Variants in FKBP5 observed in about 807,000 individuals in gnomAD.
The protein encoded by FKBP5 is peptidyl-prolyl cis-trans isomerase FKBP5.
FKBP5 carries 23 observed loss-of-function variants against 50.5 expected under a neutral mutation model. The ratio of observed to expected loss-of-function variants is 0.46; its 90% CI spans 0.33 to 0.65. The LOEUF (loss-of-function observed/expected upper bound fraction) is 0.65, where lower values mean the gene tolerates loss of function less well. Ranked by LOEUF, FKBP5 falls within the 30% of genes least tolerant of loss-of-function variation. FKBP5 has a pLI of 0.02. For synonymous variants in FKBP5, 176 were observed against 190.6 expected (o/e 0.92, Z 0.63); for missense variants, 411 against 553.1 (o/e 0.74, Z 2.58).
chr6:35,697,300 C>A (rs1766097399), intron 2 of FKBP5, among the ~76,000 whole-genome samples: 1 of 152,184 alleles, frequency 6.6e-6, no homozygotes. Flanking sequence ...GTAATCCCAG[C>A]ACTTTGGGAG....
intron 1 of FKBP5, among the ~76,000 whole-genome samples, chr6:35,645,031 C>A (rs1374325898): frequency 6.6e-6 from 1 of 152,186 alleles, no homozygotes; most frequent in Non-Finnish European, 1.5e-5. Context: ...GTAAAACAAT[C>A]TGACTGATAA....
intron 5 of FKBP5, among the ~76,000 whole-genome samples, chr6:35,618,042 TGAG>T (rs1763712726): frequency 6.6e-6 from 1 of 152,236 alleles, no homozygotes; most frequent in Admixed American, 6.5e-5. Flanking sequence ...TGACAGCTGA[TGAG>T]ATGTATTTGA....
At chr6:35,581,599 A>G (rs1290213737) in intron 8 of FKBP5, 1 of 983,726 alleles carries the variant, frequency 1.0e-6, no homozygotes, top group African/African-American at 1.8e-5. Context: ...AAACAAAACA[A>G]AACAAAACAA....
In FKBP5 at chr6:35,580,095, G is replaced by T; in HGVS notation, c.967C>A (p.Leu323Met). The T allele has an allele frequency of 6.2e-7, 1 of 1,614,118 alleles. No individual in the cohort carries two copies. The highest frequency in any genetic ancestry group is 8.5e-7 in the Non-Finnish European group (1 of 1,179,982). Residue 323 changes from leucine (L) to methionine (M), a missense_variant, in exon 9 of 11, where the codon CTG becomes ATG. By Grantham distance (15) the Leu-to-Met change is conservative. Transcript: ENST00000357266. ...ESFLLAAFLN[L>M]AMCYLKLREY... Reference sequence around the variant, plus strand: ...CTAAGCTTCAGGTAGCACATGGCCAGGTTCAGAAAGGCAGCAAGGAGAAAT... The same window carrying T: ...CTAAGCTTCAGGTAGCACATGGCCATGTTCAGAAAGGCAGCAAGGAGAAAT...
chr6:35,635,026 C>CAAAAAAAAAAAAAAAAAAAA (rs35794477), intron 3 of FKBP5, among the ~76,000 whole-genome samples: 1 of 75,138 alleles, frequency 1.3e-5, no homozygotes, highest in Non-Finnish European at 2.6e-5. Flanking sequence ...CCTGTCTCTA[C>CAAAAAAAAAAAAAAAAAAAA]AAAAAAAAAA....
At chr6:35,671,473 C>A (rs1021662048) in intron 1 of FKBP5, among the ~76,000 whole-genome samples, 1 of 151,722 alleles carries the variant, frequency 6.6e-6, no homozygotes, top group Non-Finnish European at 1.5e-5. Flanking sequence ...ATTAAAAGGT[C>A]CCCACTTTTA....
intron 5 of FKBP5, among the ~76,000 whole-genome samples, chr6:35,615,246 T>G (rs1003537345): frequency 6.6e-6 from 1 of 152,010 alleles, no homozygotes; most frequent in African/African-American, 2.4e-5. Flanking sequence ...CCATATATTC[T>G]CTATCTCTCT....
At chr6:35,638,917 A>C (rs923601918) in intron 2 of FKBP5, among the ~76,000 whole-genome samples, 1 of 152,106 alleles carries the variant, frequency 6.6e-6, no homozygotes, top group Non-Finnish European at 1.5e-5. Context: ...AGGACTATAA[A>C]CAGTAACTGG....
intron 7 of FKBP5, 119 bp from the exon 8 acceptor site, chr6:35,587,236 T>C: frequency 1.1e-6 from 1 of 914,490 alleles, no homozygotes; most frequent in South Asian, 1.5e-5. Flanking sequence ...ACTCTGGCTG[T>C]TGAAATTGTG....
At position 35,634,887 on chromosome 6, in the gene FKBP5, A is replaced by C. The variant is rs1368016285; in HGVS notation, c.250+2127T>G. Among the ~76,000 whole-genome samples the C allele has an allele frequency of 2.0e-5, 3 of 152,228 alleles. No individual in the cohort carries two copies. In the East Asian group the frequency reaches 5.8e-4, roughly 29 times the overall value. ...AAAAATAAGAACATTAAATGAACTA[A>C]AGACATTTAACAGCATTTGAGGCCA... On this transcript the variant is annotated intron_variant, in intron 3 of 10. Coordinates refer to ENST00000357266, the MANE Select transcript of FKBP5 (RefSeq NM_004117.4).
At chr6:35,682,980 C>T (rs777184134) in intron 1 of FKBP5, among the ~76,000 whole-genome samples, 120 of 146,406 alleles carry the variant, frequency 8.2e-4, no homozygotes, top group Non-Finnish European at 1.4e-3. Flanking sequence ...TAAAAACATA[C>T]GTCAATCTCT....
intron 2 of FKBP5, among the ~76,000 whole-genome samples, chr6:35,714,582 C>T (rs1388317766): frequency 2.6e-5 from 4 of 151,214 alleles, no homozygotes; most frequent in African/African-American, 9.7e-5. Context: ...TTTGGGAGGC[C>T]AAGGTGGGCA....
intron 1 of FKBP5, among the ~76,000 whole-genome samples, chr6:35,654,593 C>T (rs534285014): frequency 6.6e-6 from 1 of 152,124 alleles, no homozygotes; most frequent in African/African-American, 2.4e-5. Context: ...CTGGCACTTT[C>T]TTTCTTGACT....
intron 8 of FKBP5, chr6:35,580,526 C>CTTTTTTTTT (rs34594222): frequency 1.8e-5 from 1 of 54,620 alleles, no homozygotes; most frequent in Non-Finnish European, 3.0e-5. Context: ...ATTCTTTAGT[C>CTTTTTTTTT]TTTTTTTTTT....
chr6:35,665,688 T>C (rs1314207708), intron 1 of FKBP5, among the ~76,000 whole-genome samples: 1 of 152,172 alleles, frequency 6.6e-6, no homozygotes, highest in African/African-American at 2.4e-5. Context: ...TATGGGTCTG[T>C]AGAGGTCATA....
intron 3 of FKBP5, among the ~76,000 whole-genome samples, chr6:35,626,467 C>T (rs1764001492): frequency 6.6e-6 from 1 of 151,964 alleles, no homozygotes; most frequent in South Asian, 2.1e-4. Flanking sequence ...ATGTTTTCTC[C>T]TTGAGTTTTA....
At chr6:35,611,777 A>G (rs1207464902) in intron 5 of FKBP5, among the ~76,000 whole-genome samples, 1 of 152,176 alleles carries the variant, frequency 6.6e-6, no homozygotes, top group African/African-American at 2.4e-5. Context: ...CTGATTTGTA[A>G]CCATTAGGAT....
At chr6:35,584,979 T>C (rs1762556737) in intron 8 of FKBP5, 1 of 985,316 alleles carries the variant, frequency 1.0e-6, no homozygotes, top group East Asian at 1.1e-4. Flanking sequence ...GCCATCTCTC[T>C]GTATATATTC....
chr6:35,684,017 G>T (rs1333346765), intron 1 of FKBP5, among the ~76,000 whole-genome samples: 1 of 152,006 alleles, frequency 6.6e-6, no homozygotes, highest in Non-Finnish European at 1.5e-5. Flanking sequence ...CTGTACCGCT[G>T]CACTCCAGCC....
Sources: allele counts gnomAD v4.1 joint callset (sites outside exome capture counted in the v4.1 genomes callset), GRCh38; gene constraint gnomAD v4.1.1; transcripts MANE v1.5; gene names NCBI Gene and HGNC (gene_info 2026-07-23, HGNC 2026-07-21).